FARP1: variants seen among roughly 807,000 people sequenced by gnomAD.
FARP1 encodes the protein FERM, ARH/RhoGEF and pleckstrin domain protein 1.
In FARP1, 52 loss-of-function variants were observed where a neutral mutation model predicts 128.8. The ratio of observed to expected loss-of-function variants is 0.40; its 90% CI spans 0.32 to 0.51. The LOEUF (loss-of-function observed/expected upper bound fraction) is 0.51, where lower values mean the gene tolerates loss of function less well. Ranked by LOEUF, FARP1 falls within the 20% of genes least tolerant of loss-of-function variation. The pLI is 0.45. For synonymous variants in FARP1, 580 were observed against 551.8 expected, an observed-to-expected ratio of 1.05 and a Z score of -0.72; for missense variants, 1,333 against 1,367.9, an observed-to-expected ratio of 0.97 and a Z score of 0.40.
intron 1 of FARP1, among the ~76,000 whole-genome samples, chr13:98,164,967 C>T (rs1431142657): frequency 6.6e-6 from 1 of 152,102 alleles, no homozygotes; most frequent in Admixed American, 6.6e-5. Context: ...GTAATCCCAG[C>T]CCTTTGGGAA....
At chr13:98,215,710 TAGAG>T (rs1881019979) in intron 2 of FARP1, among the ~76,000 whole-genome samples, 1 of 152,208 alleles carries the variant, frequency 6.6e-6, no homozygotes, top group Non-Finnish European at 1.5e-5. Context: ...TGCTGACTGT[TAGAG>T]TGAGTGTGAG....
At chr13:98,377,544 T>C (rs909927077) in intron 5 of FARP1, among the ~76,000 whole-genome samples, 2 of 152,188 alleles carry the variant, frequency 1.3e-5, no homozygotes, top group African/African-American at 4.8e-5. Flanking sequence ...CAAAAATATA[T>C]AGCATGCTAG....
chr13:98,154,535 T>C (rs966975181), intron 1 of FARP1, among the ~76,000 whole-genome samples: 6 of 152,152 alleles, frequency 3.9e-5, no homozygotes, highest in Non-Finnish European at 8.8e-5. Flanking sequence ...AAGAGCAATT[T>C]GTGTGTAAAA....
chr13:98,167,911 G>A (rs1488009906), intron 1 of FARP1, among the ~76,000 whole-genome samples: 1 of 150,548 alleles, frequency 6.6e-6, no homozygotes, highest in Non-Finnish European at 1.5e-5. Flanking sequence ...GGTGGCTCAC[G>A]CCTGTAATCC....
chr13:98,228,853 T>C (rs1881946568), intron 2 of FARP1, among the ~76,000 whole-genome samples: 1 of 152,216 alleles, frequency 6.6e-6, no homozygotes, highest in Admixed American at 6.5e-5. Flanking sequence ...GTTAAAATGA[T>C]ACTGAAGTTA....
chr13:98,430,238 C>T (rs778486818), intron 17 of FARP1, among the ~76,000 whole-genome samples: 36 of 152,058 alleles, frequency 2.4e-4, no homozygotes, highest in Admixed American at 1.4e-3. Flanking sequence ...GGCAATAGAG[C>T]GAGACCCTGT....
At chr13:98,296,724 C>T (rs1339563030) in intron 2 of FARP1, among the ~76,000 whole-genome samples, 4 of 148,130 alleles carry the variant, frequency 2.7e-5, no homozygotes, top group Non-Finnish European at 4.4e-5. Flanking sequence ...CAGAATCTCC[C>T]TCTGTCTGCC....
At chr13:98,315,599 C>G (rs1182045144) in intron 2 of FARP1, among the ~76,000 whole-genome samples, 2 of 152,168 alleles carry the variant, frequency 1.3e-5, no homozygotes, top group African/African-American at 4.8e-5. Context: ...TAGGAAAAAC[C>G]AGGCTGTGTC....
chr13:98,239,444 ATGT>A (rs1444850820), intron 2 of FARP1, among the ~76,000 whole-genome samples: 1 of 152,084 alleles, frequency 6.6e-6, no homozygotes, highest in Non-Finnish European at 1.5e-5. Context: ...GTTGACAAAG[ATGT>A]TGTTTATATT....
chr13:98,272,624 G>A (rs1884444004), intron 2 of FARP1, among the ~76,000 whole-genome samples: 1 of 152,128 alleles, frequency 6.6e-6, no homozygotes. Context: ...AAATCAGTTG[G>A]TAGTGGCTGC....
intron 2 of FARP1, among the ~76,000 whole-genome samples, chr13:98,253,585 T>G (rs1883449090): frequency 1.3e-5 from 2 of 152,214 alleles, no homozygotes; most frequent in African/African-American, 4.8e-5. Flanking sequence ...TTGTGAGGAT[T>G]AAGCGAGATG....
chr13:98,438,989 G>A, intron 20 of FARP1, 117 bp downstream of exon 20: 1 of 1,392,864 alleles, frequency 7.2e-7, no homozygotes, highest in African/African-American at 1.4e-5. Flanking sequence ...AGAGCAGCCA[G>A]AGGTGCCCAG....
At chr13:98,365,218 A>G (rs1312289898) in intron 3 of FARP1, among the ~76,000 whole-genome samples, 177 bp from the exon 4 acceptor site, 1 of 152,198 alleles carries the variant, frequency 6.6e-6, no homozygotes, top group African/African-American at 2.4e-5. Flanking sequence ...GCAAATTAGG[A>G]TCTGTTTTAT....
chr13:98,173,113 C>T (rs1287349316), intron 1 of FARP1, among the ~76,000 whole-genome samples: 3 of 152,026 alleles, frequency 2.0e-5, no homozygotes, highest in East Asian at 3.9e-4. Context: ...AAAGGCAAAC[C>T]GAATCAGTTT....
intron 5 of FARP1, among the ~76,000 whole-genome samples, chr13:98,373,563 C>CACACACACACAA (rs1889452914): frequency 4.6e-5 from 7 of 151,616 alleles, no homozygotes; most frequent in African/African-American, 1.7e-4. Flanking sequence ...CACACACACA[C>CACACACACACAA]ACACACACAC....
chr13:98,220,819 T>G (rs979391459), intron 2 of FARP1, among the ~76,000 whole-genome samples: 1 of 152,112 alleles, frequency 6.6e-6, no homozygotes, highest in Non-Finnish European at 1.5e-5. Flanking sequence ...AGCTCTGATA[T>G]GCTTGCAGTA....
chr13:98,426,242 A>G (rs1026190127), intron 17 of FARP1, among the ~76,000 whole-genome samples: 1 of 152,250 alleles, frequency 6.6e-6, no homozygotes, highest in Non-Finnish European at 1.5e-5. Flanking sequence ...GATCCTAGCA[A>G]TTTGGGAGGC....
At chr13:98,280,349 C>T (rs564601542) in intron 2 of FARP1, among the ~76,000 whole-genome samples, 268 of 152,330 alleles carry the variant, frequency 1.8e-3, no homozygotes, top group African/African-American at 6.3e-3. Context: ...GCTGGTGCAG[C>T]CTCAGCTTTC....
At chr13:98,222,456 C>T (rs1457108724) in intron 2 of FARP1, among the ~76,000 whole-genome samples, 2 of 152,020 alleles carry the variant, frequency 1.3e-5, no homozygotes, top group Admixed American at 6.6e-5. Context: ...TGACTTGGCG[C>T]GGGTCAGAGT....
Sources: allele counts gnomAD v4.1 joint callset (sites outside exome capture counted in the v4.1 genomes callset), GRCh38; gene constraint gnomAD v4.1.1; transcripts MANE v1.5; gene names NCBI Gene and HGNC (gene_info 2026-07-23, HGNC 2026-07-21).